TFPI: variants seen among roughly 807,000 people sequenced by gnomAD.
TFPI encodes the protein anti-convertin.
Under a neutral mutation model 34.6 loss-of-function variants are expected in TFPI, and 15 were observed. That is an observed-to-expected ratio of 0.43 (90% CI 0.29 to 0.67). TFPI has a LOEUF of 0.67. TFPI is among the 30% of genes least tolerant of loss of function. TFPI has a pLI of 0.15. For missense variants in TFPI, 301 were observed against 364.0 expected, an observed-to-expected ratio of 0.83 and a Z score of 1.41; for synonymous variants, 105 against 120.1, an observed-to-expected ratio of 0.87 and a Z score of 0.82.
intron 3 of TFPI, among the ~76,000 whole-genome samples, chr2:187,488,971 A>G (rs1693502785): frequency 6.6e-6 from 1 of 151,538 alleles, no homozygotes; most frequent in Admixed American, 6.6e-5. Context: ...TTGTCCTACC[A>G]TATTCCAAGT....
intron 3 of TFPI, among the ~76,000 whole-genome samples, chr2:187,490,330 G>A (rs1181806976): frequency 1.3e-5 from 2 of 151,550 alleles, no homozygotes; most frequent in Non-Finnish European, 1.5e-5. Flanking sequence ...CTGAAAAAAG[G>A]TGTCTTGAAG....
intron 1 of TFPI, among the ~76,000 whole-genome samples, chr2:187,512,351 G>GA (rs920684262): frequency 4.7e-5 from 7 of 148,534 alleles, no homozygotes; most frequent in East Asian, 2.0e-4. Flanking sequence ...TATTCTGTTA[G>GA]AAAAAAAAGA....
Position 187,554,408 on chromosome 2 carries a change from A to G in TFPI, c.-211T>C, listed in dbSNP as rs1331260650. 2 of 152,194 alleles carry G rather than the reference A, an allele frequency of 1.3e-5. No individual in the cohort carries two copies. Among genetic ancestry groups the G allele is most frequent in the East Asian group, 1.9e-4 (1 of 5,192 alleles). The allele number at this position is 152,194 out of a possible 1,614,324, so 9.4% of individuals were successfully genotyped here. ...GAAAGAGCGAGGTAAGAATTTGACT[A>G]TTATCCAGCCTAAAGTCGCTGCTGT... On this transcript the variant is annotated 5_prime_UTR_variant, in exon 1 of 8. Coordinates refer to ENST00000233156, the MANE Select transcript of TFPI (RefSeq NM_006287.6).
chr2:187,481,147 A>C (rs1692826625), intron 6 of TFPI, among the ~76,000 whole-genome samples: 1 of 152,104 alleles, frequency 6.6e-6, no homozygotes, highest in South Asian at 2.1e-4. Context: ...AGTGGAAAGA[A>C]TTTAAAGACT....
chr2:187,512,785 G>A (rs539779848), intron 1 of TFPI, among the ~76,000 whole-genome samples: 80 of 151,902 alleles, frequency 5.3e-4, no homozygotes, highest in Middle Eastern at 3.4e-3. Flanking sequence ...GGGGGGGGCC[G>A]CGAAATTTAT....
At chr2:187,520,206 C>T (rs978160484) in intron 1 of TFPI, among the ~76,000 whole-genome samples, 2 of 152,086 alleles carry the variant, frequency 1.3e-5, no homozygotes, top group Non-Finnish European at 2.9e-5. Flanking sequence ...GAAAAAAACT[C>T]CTGCAGCTAA....
At chr2:187,505,955 C>G (rs1471237832) in intron 1 of TFPI, among the ~76,000 whole-genome samples, 1 of 151,556 alleles carries the variant, frequency 6.6e-6, no homozygotes, top group Non-Finnish European at 1.5e-5. Flanking sequence ...CTATATACCA[C>G]AGCAAGCCAT....
At chr2:187,489,087 G>A (rs957122857) in intron 3 of TFPI, among the ~76,000 whole-genome samples, 3 of 151,398 alleles carry the variant, frequency 2.0e-5, no homozygotes, top group Admixed American at 2.0e-4. Context: ...AAGTTGAGTG[G>A]TATTTATTTT....
chr2:187,493,867 T>A (rs1292658338), intron 3 of TFPI, among the ~76,000 whole-genome samples: 1 of 152,198 alleles, frequency 6.6e-6, no homozygotes. Flanking sequence ...ACTATCAGCA[T>A]TTTTGTCAAA....
chr2:187,551,103 C>T (rs1398128860), intron 1 of TFPI, among the ~76,000 whole-genome samples: 1 of 152,116 alleles, frequency 6.6e-6, no homozygotes, highest in Non-Finnish European at 1.5e-5. Context: ...TGAATACTTT[C>T]ACATTTCTGA....
chr2:187,497,898 G>A (rs1045575238), intron 2 of TFPI, among the ~76,000 whole-genome samples: 2 of 151,812 alleles, frequency 1.3e-5, no homozygotes, highest in African/African-American at 4.8e-5. Context: ...ACTGAAAATT[G>A]TGGGTGGTGC....
chr2:187,475,127 T>C (rs781775920), intron 6 of TFPI, among the ~76,000 whole-genome samples: 1 of 152,178 alleles, frequency 6.6e-6, no homozygotes, highest in Non-Finnish European at 1.5e-5. Context: ...AAACTTACAC[T>C]TTTATTATTC....
At chr2:187,529,155 G>A (rs1356405593) in intron 1 of TFPI, among the ~76,000 whole-genome samples, 1 of 152,168 alleles carries the variant, frequency 6.6e-6, no homozygotes, top group Non-Finnish European at 1.5e-5. Flanking sequence ...TTTGAAGTTT[G>A]GTAAGAATGC....
At chr2:187,552,044 A>G (rs1689115950) in intron 1 of TFPI, among the ~76,000 whole-genome samples, 1 of 152,156 alleles carries the variant, frequency 6.6e-6, no homozygotes, top group Admixed American at 6.5e-5. Context: ...ATTCAATTTA[A>G]TTAATTTATA....
chr2:187,470,494 T>G (rs1434540511), intron 6 of TFPI, among the ~76,000 whole-genome samples: 1 of 152,192 alleles, frequency 6.6e-6, no homozygotes, highest in Non-Finnish European at 1.5e-5. Context: ...TCTGTTATCA[T>G]AGACCAAGAA....
chr2:187,537,213 T>C (rs1007384638), intron 1 of TFPI, among the ~76,000 whole-genome samples: 2 of 152,224 alleles, frequency 1.3e-5, no homozygotes, highest in Non-Finnish European at 2.9e-5. Flanking sequence ...ATTTACTTTC[T>C]TCACATATTA....
intron 6 of TFPI, among the ~76,000 whole-genome samples, chr2:187,470,873 C>G (rs1224394293): frequency 2.6e-5 from 4 of 152,170 alleles, no homozygotes; most frequent in Admixed American, 6.6e-5. Flanking sequence ...GCAGATGCAC[C>G]TATAATCAGA....
At position 187,511,119 on chromosome 2, in the gene TFPI, C is replaced by G. The variant is rs1360755712; in HGVS notation, c.-2-7349G>C. On this transcript the variant is annotated intron_variant, in intron 1 of 7. Coordinates refer to ENST00000233156, the MANE Select transcript of TFPI (RefSeq NM_006287.6). ...AGGCATTTGCCCCAGTGGAACGCCT[C>G]CTCAGAGCAGTGCACGGCAGGCCCC... Among the ~76,000 whole-genome samples the G allele has an allele frequency of 3.9e-5, 6 of 152,310 alleles. No individual in the cohort carries two copies. In the East Asian group the frequency reaches 1.2e-3, roughly 29 times the overall value.
chr2:187,480,874 G>A (rs8176619), intron 6 of TFPI, among the ~76,000 whole-genome samples: 5,125 of 152,038 alleles, frequency 0.034, 122 homozygotes, highest in Non-Finnish European at 0.05. Flanking sequence ...AATTACACCG[G>A]AATTGTGCTT....
Sources: gnomAD v4.1 joint callset for allele counts (sites outside exome capture counted in the v4.1 genomes callset) on GRCh38, gnomAD v4.1.1 for gene constraint, MANE v1.5 for transcripts, NCBI Gene and HGNC (gene_info 2026-07-23, HGNC 2026-07-21) for gene names.